Variants in SUMF1 observed in about 807,000 individuals in gnomAD.
SUMF1 encodes sulfatase modifying factor 1.
Under a neutral mutation model 47.6 loss-of-function variants are expected in SUMF1, and 48 were observed. The ratio of observed to expected loss-of-function variants is 1.01; its 90% CI spans 0.80 to 1.28. The LOEUF is 1.28. Ranked by LOEUF, SUMF1 falls within the 50% of genes most tolerant of loss-of-function variation. The probability of loss-of-function intolerance (pLI) is 0.00; values close to 1 mark genes in which losing one functional copy is unlikely to be tolerated. For missense variants in SUMF1, 571 were observed against 485.4 expected (o/e 1.18, Z -1.66); for synonymous variants, 230 against 192.1 (o/e 1.20, Z -1.63).
intron 9 of SUMF1, among the ~76,000 whole-genome samples, chr3:4,054,086 C>G (rs1418478666): frequency 6.6e-6 from 1 of 151,990 alleles, no homozygotes; most frequent in Non-Finnish European, 1.5e-5. Flanking sequence ...TAATAAGAGC[C>G]AATGAAACTA....
chr3:4,174,422 G>T (rs987380383), intron 8 of SUMF1, among the ~76,000 whole-genome samples: 1 of 151,706 alleles, frequency 6.6e-6, no homozygotes, highest in African/African-American at 2.4e-5. Flanking sequence ...TCCAGCCAGG[G>T]ACAGTGGCTC....
At position 4,153,324 on chromosome 3, in the gene SUMF1, CT is replaced by C. The variant is rs574123570; in HGVS notation, c.1015-84580del. ...ACTCCTGGAATCAGCAATTCTGCCA[CT>C]TTAACCTCTCAAGTAGCTAGAACTA... On this transcript the variant is annotated intron_variant and NMD_transcript_variant, in intron 8 of 12. Transcript: ENST00000448413. Among the ~76,000 whole-genome samples, 578 of 151,632 alleles carry C rather than the reference CT, an allele frequency of 3.8e-3. 16 individuals carry two copies. The highest frequency in any genetic ancestry group is 3.0e-3 in the Non-Finnish European group (201 of 68,022).
intron 6 of SUMF1, among the ~76,000 whole-genome samples, chr3:4,416,462 T>C (rs1194266157): frequency 6.6e-6 from 1 of 152,222 alleles, no homozygotes; most frequent in Admixed American, 6.5e-5. Flanking sequence ...TTTTAAATAC[T>C]GTATCCAGTC....
Position 4,171,949 on chromosome 3 carries a change from C to T in SUMF1, c.1015-103204G>A, listed in dbSNP as rs188265665. On this transcript the variant is annotated intron_variant and NMD_transcript_variant, in intron 8 of 12. Transcript: ENST00000448413. The stretch of plus-strand genomic sequence containing the variant: ...GGAAAGCATACTCCACCCTTTGAGG[C>T]ACCTTAAATCACTTTTAAGAAGTGA... 1.2e-4 allele frequency among the ~76,000 whole-genome samples: 19 copies of T among 152,226 alleles called. No homozygotes were observed. The East Asian group carries it at 3.3e-3, about 26-fold the overall frequency.
intron 8 of SUMF1, among the ~76,000 whole-genome samples, chr3:4,254,876 T>G (rs1490004512): frequency 6.6e-6 from 1 of 152,116 alleles, no homozygotes; most frequent in Non-Finnish European, 1.5e-5. Flanking sequence ...AAGGTCGGGT[T>G]ACCCTCAAAG....
At chr3:4,331,786 C>T (rs568278805) in intron 8 of SUMF1, among the ~76,000 whole-genome samples, 33 of 152,234 alleles carry the variant, frequency 2.2e-4, no homozygotes, top group African/African-American at 6.3e-4. Flanking sequence ...GCCAAGATCG[C>T]GCCACTGCAC....
rs202106961 is a variant in SUMF1, at chr3:4,417,073, T to C, written c.840+55A>G. 3.4e-5 allele frequency: 52 copies of C among 1,535,986 alleles called. No homozygotes were observed. The African/African-American group carries it at 6.9e-4, about 21-fold the overall frequency. On this transcript the variant is annotated intron_variant, in intron 6 of 8. Transcript: ENST00000272902. ...GCAATGCCTTTCACCCCATGTCTAC[T>C]GGGAGCCTCAGTTCTCAGCAGCTGC...
chr3:4,141,258 T>G (rs1694064582), intron 8 of SUMF1, among the ~76,000 whole-genome samples: 1 of 152,096 alleles, frequency 6.6e-6, no homozygotes, highest in Non-Finnish European at 1.5e-5. Flanking sequence ...AATACGGAGG[T>G]AATCATCAAT....
At chr3:4,173,108 G>A (rs1034308366) in intron 8 of SUMF1, among the ~76,000 whole-genome samples, 2 of 152,114 alleles carry the variant, frequency 1.3e-5, no homozygotes, top group Non-Finnish European at 2.9e-5. Context: ...ATTAAATAGG[G>A]AATCATTTCT....
intron 8 of SUMF1, among the ~76,000 whole-genome samples, chr3:4,370,670 C>T (rs1403236019): frequency 6.6e-6 from 1 of 151,916 alleles, no homozygotes; most frequent in South Asian, 2.1e-4. Flanking sequence ...ATCTGAAGAC[C>T]CCGGTATATA....
At chr3:4,256,434 A>G (rs1272679640) in intron 8 of SUMF1, among the ~76,000 whole-genome samples, 1 of 143,028 alleles carries the variant, frequency 7.0e-6, no homozygotes, top group African/African-American at 2.6e-5. Flanking sequence ...TAAAGGGGAT[A>G]TCACTACCGA....
intron 7 of SUMF1, among the ~76,000 whole-genome samples, chr3:4,380,502 T>C (rs976156528): frequency 2.0e-5 from 3 of 151,936 alleles, no homozygotes; most frequent in Non-Finnish European, 4.4e-5. Flanking sequence ...GTGACAAAAT[T>C]ATCTACACCA....
chr3:4,443,036 G>A (rs191829243), intron 3 of SUMF1, among the ~76,000 whole-genome samples: 6 of 152,174 alleles, frequency 3.9e-5, no homozygotes, highest in African/African-American at 1.2e-4. Flanking sequence ...AGCACTTTGG[G>A]AGGCCAAGGC....
intron 7 of SUMF1, among the ~76,000 whole-genome samples, chr3:4,397,623 T>C (rs1293974575): frequency 6.6e-6 from 1 of 152,168 alleles, no homozygotes; most frequent in Non-Finnish European, 1.5e-5. Context: ...GTTTTGAAAG[T>C]GGATAAGTGC....
At chr3:4,196,142 G>A (rs1021771142) in intron 8 of SUMF1, among the ~76,000 whole-genome samples, 4 of 152,060 alleles carry the variant, frequency 2.6e-5, no homozygotes, top group Non-Finnish European at 5.9e-5. Context: ...CTCACATAAG[G>A]GGAAGTCCAG....
chr3:4,041,329 C>G (rs2125017669), intron 9 of SUMF1, among the ~76,000 whole-genome samples: 1 of 152,334 alleles, frequency 6.6e-6, no homozygotes, highest in Non-Finnish European at 1.5e-5. Flanking sequence ...TCCTCGGCCT[C>G]CCAAAGTGCT....
chr3:4,264,270 A>G (rs1189562224), intron 8 of SUMF1, among the ~76,000 whole-genome samples: 2 of 152,206 alleles, frequency 1.3e-5, no homozygotes, highest in African/African-American at 4.8e-5. Flanking sequence ...AGTTAGATAT[A>G]GCCGTGCACA....
At chr3:4,457,065 T>C (rs1314042484) in intron 1 of SUMF1, among the ~76,000 whole-genome samples, 16 of 119,212 alleles carry the variant, frequency 1.3e-4, no homozygotes, top group Non-Finnish European at 2.2e-4. Context: ...TGTGTATATA[T>C]ATATATATAC....
At chr3:4,355,550 A>T (rs1485123959) in intron 8 of SUMF1, among the ~76,000 whole-genome samples, 1 of 152,188 alleles carries the variant, frequency 6.6e-6, no homozygotes, top group Non-Finnish European at 1.5e-5. Flanking sequence ...TATCAGTGCC[A>T]CCTGACAAGG....
Sources: gnomAD v4.1 joint callset for allele counts (sites outside exome capture counted in the v4.1 genomes callset) on GRCh38, gnomAD v4.1.1 for gene constraint, MANE v1.5 for transcripts, NCBI Gene and HGNC (gene_info 2026-07-23, HGNC 2026-07-21) for gene names.